Variants in CLVS1 observed in about 807,000 individuals in gnomAD.
CLVS1 encodes clavesin-1.
A neutral mutation model predicts 33.1 loss-of-function variants in CLVS1; 10 were observed. The ratio of observed to expected loss-of-function variants is 0.30; its 90% confidence interval spans 0.19 to 0.51. CLVS1 has a LOEUF of 0.51. Ranked by LOEUF, CLVS1 falls within the 20% of genes least tolerant of loss-of-function variation. The probability of loss-of-function intolerance (pLI) is 0.97; values close to 1 mark genes in which losing one functional copy is unlikely to be tolerated. For missense variants in CLVS1, 343 were observed against 433.4 expected (o/e 0.79, Z 1.85); for synonymous variants, 163 against 166.1 (o/e 0.98, Z 0.14).
At chr8:61,232,041 T>TTTTTTTTTTTG (rs1554548394) in intron 2 of CLVS1, among the ~76,000 whole-genome samples, 9 of 116,012 alleles carry the variant, frequency 7.8e-5, no homozygotes, top group South Asian at 2.8e-4. Flanking sequence ...TTTTTTTTTT[T>TTTTTTTTTTTG]TTTTTTTTTG....
intron 5 of CLVS1, among the ~76,000 whole-genome samples, chr8:61,460,031 A>G (rs1171199164): frequency 6.6e-6 from 1 of 151,976 alleles, no homozygotes; most frequent in Admixed American, 6.6e-5. Context: ...CACCCATAGA[A>G]CCTCGTTTTA....
At chr8:61,210,646 C>G (rs775063678) in intron 2 of CLVS1, among the ~76,000 whole-genome samples, 3 of 152,278 alleles carry the variant, frequency 2.0e-5, no homozygotes, top group Non-Finnish European at 4.4e-5. Flanking sequence ...TGGAAGAGAA[C>G]TCTGGGCTCT....
At chr8:61,388,868 C>T (rs762912690) in intron 3 of CLVS1, among the ~76,000 whole-genome samples, 11 of 151,924 alleles carry the variant, frequency 7.2e-5, no homozygotes, top group Non-Finnish European at 1.3e-4. Flanking sequence ...GAACTTATTC[C>T]CCCTATCTGG....
At chr8:61,297,659 T>A (rs970680092) in intron 1 of CLVS1, among the ~76,000 whole-genome samples, 1 of 152,100 alleles carries the variant, frequency 6.6e-6, no homozygotes, top group African/African-American at 2.4e-5. Context: ...AGTCTGAAGA[T>A]CTGAAAGGAG....
At chr8:61,046,497 TTAAAG>T in the CLVS1 span, among the ~76,000 whole-genome samples, 3 of 147,412 alleles carry the variant, frequency 2.0e-5, no homozygotes, top group East Asian at 5.9e-4. Context: ...CATACGAACT[TTAAAG>T]TAGTTTTTTC....
At chr8:61,396,857 C>T (rs1438783560) in intron 3 of CLVS1, among the ~76,000 whole-genome samples, 1 of 152,158 alleles carries the variant, frequency 6.6e-6, no homozygotes, top group Non-Finnish European at 1.5e-5. Context: ...CCAGGTATAG[C>T]ATGTGCCACA....
intron 5 of CLVS1, among the ~76,000 whole-genome samples, chr8:61,483,688 A>G (rs910341709): frequency 3.3e-5 from 5 of 152,250 alleles, no homozygotes; most frequent in African/African-American, 1.2e-4. Context: ...ACATTGATGC[A>G]AAAATCCTCA....
chr8:61,212,594 A>G (rs927733728), intron 2 of CLVS1, among the ~76,000 whole-genome samples: 3 of 152,106 alleles, frequency 2.0e-5, no homozygotes, highest in African/African-American at 7.2e-5. Flanking sequence ...GGAGGAAGGG[A>G]TTGGAAAGAT....
intron 2 of CLVS1, among the ~76,000 whole-genome samples, chr8:61,315,689 G>T (rs1014718779): frequency 6.6e-6 from 1 of 152,100 alleles, no homozygotes; most frequent in African/African-American, 2.4e-5. Flanking sequence ...GGTCTACATG[G>T]TTGAAGCTGT....
chr8:61,497,569 T>C (rs1804312018), intron 5 of CLVS1, among the ~76,000 whole-genome samples: 1 of 152,022 alleles, frequency 6.6e-6, no homozygotes, highest in African/African-American at 2.4e-5. Context: ...AAGTTAGTCT[T>C]TGGGTCAGGG....
intron 3 of CLVS1, among the ~76,000 whole-genome samples, chr8:61,389,484 A>G (rs1318288457): frequency 6.6e-6 from 1 of 152,088 alleles, no homozygotes; most frequent in East Asian, 1.9e-4. Flanking sequence ...TGGAGGTTGC[A>G]GTGAGCCAAG....
At chr8:61,167,117 CT>C (rs1428226836) in intron 2 of CLVS1, among the ~76,000 whole-genome samples, 4 of 151,554 alleles carry the variant, frequency 2.6e-5, no homozygotes, top group African/African-American at 9.7e-5. Flanking sequence ...TCTGGTTCCC[CT>C]GAGTCTTGTT....
the CLVS1 span, among the ~76,000 whole-genome samples, chr8:61,032,159 C>G: frequency 6.6e-6 from 1 of 152,284 alleles, no homozygotes; most frequent in Admixed American, 6.5e-5. Context: ...CAACGATAAC[C>G]AAACTCTACT....
chr8:61,181,267 C>T (rs972445029), intron 2 of CLVS1, among the ~76,000 whole-genome samples: 1 of 152,134 alleles, frequency 6.6e-6, no homozygotes, highest in Non-Finnish European at 1.5e-5. Flanking sequence ...TCTAGGAATA[C>T]AGCTAACAAG....
At chr8:61,202,419 A>T in intron 2 of CLVS1, 2 of 771,394 alleles carry the variant, frequency 2.6e-6, no homozygotes, top group Non-Finnish European at 4.7e-6. Context: ...GTTGTGAACT[A>T]AAGGCTGACA....
the CLVS1 span, among the ~76,000 whole-genome samples, chr8:61,033,033 GAAAGAAAGAAAGAA>G: frequency 1.5e-4 from 16 of 108,986 alleles, no homozygotes; most frequent in African/African-American, 5.8e-4. Context: ...AAGAAAGAAA[GAAAGAAAGAAAGAA>G]AAAGAAAGAA....
At chr8:61,322,035 C>G (rs2129596359) in intron 2 of CLVS1, among the ~76,000 whole-genome samples, 1 of 152,140 alleles carries the variant, frequency 6.6e-6, no homozygotes, top group Middle Eastern at 3.4e-3. Context: ...TTTCTTTCAC[C>G]TGTACCCTAG....
chr8:61,204,017 C>T (rs1170156414), intron 2 of CLVS1, among the ~76,000 whole-genome samples: 1 of 152,092 alleles, frequency 6.6e-6, no homozygotes, highest in South Asian at 2.1e-4. Flanking sequence ...GATATTGGCC[C>T]ATTTTTCAGA....
chr8:61,247,766 C>A (rs1407767233), intron 2 of CLVS1, among the ~76,000 whole-genome samples: 1 of 152,152 alleles, frequency 6.6e-6, no homozygotes, highest in African/African-American at 2.4e-5. Flanking sequence ...GTTTCTTTTG[C>A]TGTGCAGAAG....
Sources: allele counts gnomAD v4.1 joint callset (sites outside exome capture counted in the v4.1 genomes callset), GRCh38; gene constraint gnomAD v4.1.1; transcripts MANE v1.5; gene names NCBI Gene and HGNC (gene_info 2026-07-23, HGNC 2026-07-21).